Variants in CACNA1C observed in about 807,000 individuals in gnomAD.
CACNA1C encodes voltage-dependent L-type calcium channel subunit alpha-1C.
CACNA1C carries 30 observed loss-of-function variants against 229.0 expected under a neutral mutation model. The observed-to-expected ratio is 0.13, with a 90% CI of 0.10 to 0.18. The LOEUF (loss-of-function observed/expected upper bound fraction) is 0.18. CACNA1C is among the 10% of genes least tolerant of loss of function. The probability of loss-of-function intolerance (pLI) is 1.00; values close to 1 mark genes in which losing one functional copy is unlikely to be tolerated. For synonymous variants in CACNA1C, 1,114 were observed against 1,132.5 expected (o/e 0.98, Z 0.33); for missense variants, 1,658 against 2,845.0 (o/e 0.58, Z 9.49).
intron 3 of CACNA1C, among the ~76,000 whole-genome samples, chr12:2,144,887 G>T (rs1210176425): frequency 1.3e-5 from 2 of 151,308 alleles, no homozygotes; most frequent in Non-Finnish European, 3.0e-5. Context: ...AGTAGATTGT[G>T]TCTGTTTGAA....
intron 10 of CACNA1C, among the ~76,000 whole-genome samples, chr12:2,551,354 G>T (rs1049688495): frequency 1.3e-5 from 2 of 152,238 alleles, no homozygotes; most frequent in African/African-American, 4.8e-5. Context: ...GAGCCTGGCA[G>T]TCTCCAGTGG....
intron 3 of CACNA1C, among the ~76,000 whole-genome samples, chr12:2,311,147 G>T (rs1458607464): frequency 6.6e-6 from 1 of 152,140 alleles, no homozygotes; most frequent in African/African-American, 2.4e-5. Flanking sequence ...AGTTTTGGGG[G>T]AAGCCAGTGT....
At chr12:2,116,441 G>T (rs550180649) in intron 2 of CACNA1C, among the ~76,000 whole-genome samples, 2 of 150,620 alleles carry the variant, frequency 1.3e-5, no homozygotes, top group East Asian at 3.9e-4. Context: ...GTGCCGTCTC[G>T]GCTCACTGCA....
rs764705302 is a variant in CACNA1C at position 1,984,778 on chromosome 12, T to TAAAAA, written c.139+13596_139+13600dup. 9.1e-4 allele frequency among the ~76,000 whole-genome samples: 74 copies of TAAAAA among 81,326 alleles called. 1 individual carries two copies. Among genetic ancestry groups the TAAAAA allele is most frequent in the African/African-American group, 3.0e-3 (61 of 20,334 alleles). 53.4% of individuals were successfully genotyped at this position (81,326 alleles called of 152,430 possible). On this transcript the variant is annotated intron_variant, in intron 1 of 46. Coordinates refer to the CACNA1C transcript ENST00000682462. ...ATTTATTCTACAGTGGGTCTTCTGG[T>TAAAAA]AAAAAAAAAAAAAAAAAAAAAAAGG...
rs189957192 is a variant in CACNA1C at position 2,142,563 on chromosome 12, G to C, written c.477+22133G>C. Among the ~76,000 whole-genome samples the C allele has an allele frequency of 2.6e-5, 4 of 151,470 alleles. No homozygotes were observed. The South Asian group carries it at 8.4e-4, about 32-fold the overall frequency. ...TTAACTGTAAAACAGCCTCAGGCAC[G>C]TCCTTCAGGAGGTAGCCATAAGAAG... On this transcript the variant is annotated intron_variant, in intron 3 of 46. Coordinates refer to ENST00000399655, the MANE Select transcript of CACNA1C (RefSeq NM_000719.7).
At position 2,229,475 on chromosome 12, in the gene CACNA1C, C is replaced by T. The variant is rs1242525441; in HGVS notation, c.477+109045C>T. Among the ~76,000 whole-genome samples, 9 of 152,078 alleles carry T rather than the reference C, an allele frequency of 5.9e-5. No individual in the cohort carries two copies. In the South Asian group the frequency reaches 1.9e-3, roughly 32 times the overall value. On this transcript the variant is annotated intron_variant, in intron 3 of 46. Coordinates refer to ENST00000399655, the MANE Select transcript of CACNA1C (RefSeq NM_000719.7). ...GGGAGTTAGCAATAAATAAAACAGG[C>T]CTGAATCCCTGCCCACGGGGAGCTT...
intron 34 of CACNA1C, among the ~76,000 whole-genome samples, chr12:2,658,314 C>T (rs1177330766): frequency 6.6e-6 from 1 of 152,198 alleles, no homozygotes; most frequent in Non-Finnish European, 1.5e-5. Flanking sequence ...ATTTGGCACT[C>T]TTCTTAGTAA....
chr12:2,112,428 G>A (rs904316148), intron 1 of CACNA1C, among the ~76,000 whole-genome samples: 4 of 92,106 alleles, frequency 4.3e-5, no homozygotes, highest in East Asian at 3.5e-4. Flanking sequence ...GGAGTGTCAC[G>A]TCCTCCGTGA....
intron 21 of CACNA1C, among the ~76,000 whole-genome samples, chr12:2,600,716 T>A (rs1238088707): frequency 6.6e-6 from 1 of 152,244 alleles, no homozygotes; most frequent in Non-Finnish European, 1.5e-5. Flanking sequence ...GTCATCGTCA[T>A]CTTGTGTGTT....
At chr12:2,171,634 C>T (rs969600933) in intron 3 of CACNA1C, among the ~76,000 whole-genome samples, 7 of 152,098 alleles carry the variant, frequency 4.6e-5, no homozygotes, top group African/African-American at 1.7e-4. Flanking sequence ...TCTGAGTGCC[C>T]ATCAGGAGTT....
At chr12:2,533,643 C>A (rs149709148) in intron 9 of CACNA1C, among the ~76,000 whole-genome samples, 10 of 152,246 alleles carry the variant, frequency 6.6e-5, no homozygotes, top group South Asian at 6.2e-4. Context: ...GAGGAAAGGA[C>A]AGGGGAGTCA....
intron 1 of CACNA1C, among the ~76,000 whole-genome samples, chr12:2,100,934 C>T (rs1412434349): frequency 7.0e-6 from 1 of 141,950 alleles, no homozygotes; most frequent in Non-Finnish European, 1.5e-5. Flanking sequence ...CTGGGGGAGT[C>T]GTGGCTGCAG....
chr12:2,665,050 G>C lies in CACNA1C; in HGVS notation c.4398+60G>C. The C allele has an allele frequency of 6.4e-7, 1 of 1,562,828 alleles. No homozygotes were observed. The highest frequency in any genetic ancestry group is 8.8e-7 in the Non-Finnish European group (1 of 1,135,948). The stretch of plus-strand genomic sequence containing the variant: ...TGACTGCCCAGTTCCAGGGCAGTCT[G>C]AACCGTCCATCTCTGCAGCTCATGG... On this transcript the variant is annotated intron_variant, in intron 35 of 46. Coordinates refer to ENST00000399655, the MANE Select transcript of CACNA1C (RefSeq NM_000719.7). This position sits in a 1 kb window ranked among gnomAD's most constrained non-coding sequence, Gnocchi z 5.9.
intron 1 of CACNA1C, among the ~76,000 whole-genome samples, chr12:2,095,651 G>A (rs2073596269): frequency 6.6e-6 from 1 of 152,184 alleles, no homozygotes; most frequent in South Asian, 2.1e-4. Context: ...GGCAGGGTCG[G>A]ATACCACTGG....
chr12:2,649,518 C>A lies in CACNA1C; in HGVS notation c.3945+1011C>A, dbSNP rs1412169264. Among the ~76,000 whole-genome samples the A allele has an allele frequency of 6.6e-6, 1 of 152,186 alleles. No homozygotes were observed. The highest frequency in any genetic ancestry group is 2.4e-5 in the African/African-American group (1 of 41,436). On this transcript the variant is annotated intron_variant, in intron 31 of 46. Transcript: ENST00000399655. The surrounding 1 kb of genome is among the most constrained non-coding windows in gnomAD (Gnocchi z 4.4). ...GGGATCAGCCATCTGGATCTGCCTCCTTTTTGCATTGTTATTTGGTTTATT... is the reference window on the plus strand; with the variant it reads ...GGGATCAGCCATCTGGATCTGCCTCATTTTTGCATTGTTATTTGGTTTATT...
In CACNA1C at chr12:2,152,375, C is replaced by G. The variant is rs949102750; in HGVS notation, c.477+31945C>G. On this transcript the variant is annotated intron_variant, in intron 3 of 46. Coordinates refer to ENST00000399655, the MANE Select transcript of CACNA1C (RefSeq NM_000719.7). This position sits in a 1 kb window ranked among gnomAD's most constrained non-coding sequence, Gnocchi z 4.2. Reference sequence around the variant, plus strand: ...TAGTAGGATGTCAGCAGAGGTGATGCGTGTGACTTCCGGTGTGTGCCCTTG... The same window carrying G: ...TAGTAGGATGTCAGCAGAGGTGATGGGTGTGACTTCCGGTGTGTGCCCTTG... 1.3e-5 allele frequency among the ~76,000 whole-genome samples: 2 copies of G among 152,214 alleles called. No homozygotes were observed. The highest frequency in any genetic ancestry group is 4.8e-5 in the African/African-American group (2 of 41,464).
chr12:2,274,460 C>G (rs2086748996), intron 3 of CACNA1C, among the ~76,000 whole-genome samples: 1 of 152,198 alleles, frequency 6.6e-6, no homozygotes, highest in Non-Finnish European at 1.5e-5. Context: ...CAGGCAGCCA[C>G]TGGGTTGCAG....
chr12:2,100,980 C>T (rs1268175119), intron 1 of CACNA1C, among the ~76,000 whole-genome samples: 4 of 130,718 alleles, frequency 3.1e-5, no homozygotes, highest in African/African-American at 9.1e-5. Flanking sequence ...CTAGCCTGGG[C>T]GACAAGGGTG....
chr12:2,321,109 G>C (rs1439247750), intron 3 of CACNA1C, among the ~76,000 whole-genome samples: 2 of 152,212 alleles, frequency 1.3e-5, no homozygotes, highest in African/African-American at 2.4e-5. Context: ...GCCAACAGAG[G>C]CTGTCTGCTT....
Sources: allele counts gnomAD v4.1 joint callset (sites outside exome capture counted in the v4.1 genomes callset), GRCh38; gene constraint gnomAD v4.1.1; non-coding constraint Gnocchi (gnomAD v3.1); transcripts MANE v1.5; gene names NCBI Gene and HGNC (gene_info 2026-07-23, HGNC 2026-07-21).